The following GUCY1A2 variants were observed in gnomAD, a reference collection of about 807,000 sequenced individuals.
The protein encoded by GUCY1A2 is guanylate cyclase 1 soluble subunit alpha 2.
A neutral mutation model predicts 63.5 loss-of-function variants in GUCY1A2; 27 were observed. The observed-to-expected ratio is 0.43, with a 90% CI of 0.31 to 0.59. GUCY1A2 has a LOEUF of 0.59. GUCY1A2 is among the 20% of genes least tolerant of loss of function. The probability of loss-of-function intolerance (pLI) is 0.11; values close to 1 mark genes in which losing one functional copy is unlikely to be tolerated. For missense variants in GUCY1A2, 768 were observed against 913.3 expected (o/e 0.84, Z 2.05); for synonymous variants, 364 against 343.5 (o/e 1.06, Z -0.66).
rs77525944 is a variant in GUCY1A2, at chr11:106,724,277, C to T, written c.1837-15611G>A. 9.5e-3 allele frequency among the ~76,000 whole-genome samples: 1,447 copies of T among 152,352 alleles called. 24 individuals carry two copies. The highest frequency in any genetic ancestry group is 0.032 in the African/African-American group (1,351 of 41,584). ...GAATTGGCCAACACAAGAGTTTATT[C>T]ATCAGACTCAATTTGTCAGACCCTT... On this transcript the variant is annotated intron_variant, in intron 6 of 7. Coordinates refer to ENST00000526355, the MANE Select transcript of GUCY1A2 (RefSeq NM_000855.3).
intron 6 of GUCY1A2, among the ~76,000 whole-genome samples, chr11:106,751,028 G>C (rs1331772672): frequency 2.0e-5 from 3 of 152,022 alleles, no homozygotes; most frequent in African/African-American, 7.2e-5. Flanking sequence ...TTAATTCTAT[G>C]TGCCACTGCA....
At chr11:106,987,829 T>C (rs531678484) in intron 1 of GUCY1A2, among the ~76,000 whole-genome samples, 1 of 152,132 alleles carries the variant, frequency 6.6e-6, no homozygotes, top group African/African-American at 2.4e-5. Context: ...AAAGTGAGCT[T>C]AAATTGAATC....
chr11:106,923,128 T>C (rs1860471756), intron 4 of GUCY1A2, among the ~76,000 whole-genome samples: 1 of 152,198 alleles, frequency 6.6e-6, no homozygotes, highest in Admixed American at 6.5e-5. Flanking sequence ...TAATGACAAG[T>C]ATATTGGAGA....
At chr11:106,724,448 G>A (rs1028721950) in intron 6 of GUCY1A2, among the ~76,000 whole-genome samples, 2 of 151,940 alleles carry the variant, frequency 1.3e-5, no homozygotes, top group Non-Finnish European at 2.9e-5. Flanking sequence ...CCTTCCCTCC[G>A]GCCCCATCTC....
intron 3 of GUCY1A2, among the ~76,000 whole-genome samples, chr11:106,964,294 C>T (rs1861098730): frequency 6.6e-6 from 1 of 152,182 alleles, no homozygotes; most frequent in Admixed American, 6.5e-5. Flanking sequence ...TCTTTAGTTT[C>T]CTTTCTTCAA....
intron 3 of GUCY1A2, among the ~76,000 whole-genome samples, chr11:106,959,615 G>T (rs992801219): frequency 7.9e-5 from 12 of 152,210 alleles, no homozygotes; most frequent in Admixed American, 4.6e-4. Flanking sequence ...CTCCGCAAGG[G>T]AAGCTGCTTT....
At chr11:106,894,542 AT>A (rs1860019455) in intron 4 of GUCY1A2, among the ~76,000 whole-genome samples, 1 of 152,178 alleles carries the variant, frequency 6.6e-6, no homozygotes, top group South Asian at 2.1e-4. Context: ...CTAAACCACA[AT>A]CTGGGCCATA....
chr11:106,707,820 T>C (rs578006766), intron 7 of GUCY1A2, among the ~76,000 whole-genome samples: 250 of 152,204 alleles, frequency 1.6e-3, no homozygotes, highest in African/African-American at 5.8e-3. Context: ...AAAGATTACC[T>C]TTAAGATAAA....
intron 4 of GUCY1A2, among the ~76,000 whole-genome samples, chr11:106,840,587 T>C (rs1859182514): frequency 6.6e-6 from 1 of 151,962 alleles, no homozygotes; most frequent in African/African-American, 2.4e-5. Flanking sequence ...GATTAAGAAA[T>C]TCCAGCAGTA....
intron 4 of GUCY1A2, among the ~76,000 whole-genome samples, chr11:106,860,988 A>G (rs998868479): frequency 6.6e-6 from 1 of 151,990 alleles, no homozygotes; most frequent in Non-Finnish European, 1.5e-5. Flanking sequence ...AAGGAGGAGG[A>G]GGAGGAGGAA....
chr11:106,891,492 T>G (rs1447962959), intron 4 of GUCY1A2, among the ~76,000 whole-genome samples: 2 of 152,182 alleles, frequency 1.3e-5, no homozygotes, highest in Non-Finnish European at 2.9e-5. Flanking sequence ...GCCTACTATA[T>G]TCTGTTAAAA....
chr11:106,936,716 G>C (rs768717270), intron 4 of GUCY1A2: 1 of 1,455,136 alleles, frequency 6.9e-7, no homozygotes, highest in South Asian at 1.2e-5. Flanking sequence ...GCTTGCTCTT[G>C]ATTTTTTTTT....
chr11:106,945,491 T>G (rs551888854), intron 3 of GUCY1A2, among the ~76,000 whole-genome samples: 2 of 152,132 alleles, frequency 1.3e-5, no homozygotes, highest in Non-Finnish European at 2.9e-5. Flanking sequence ...AGTAGACACA[T>G]TAGTGAGCAA....
At chr11:106,945,163 AAG>A (rs1555052942) in intron 3 of GUCY1A2, among the ~76,000 whole-genome samples, 8 of 151,778 alleles carry the variant, frequency 5.3e-5, no homozygotes, top group Admixed American at 5.3e-4. Flanking sequence ...AAAAAAAAAA[AAG>A]AGAGAGAGAG....
At chr11:106,836,640 A>G (rs1290870054) in intron 4 of GUCY1A2, among the ~76,000 whole-genome samples, 1 of 151,990 alleles carries the variant, frequency 6.6e-6, no homozygotes, top group African/African-American at 2.4e-5. Flanking sequence ...AAAAATACAC[A>G]AAAACCAAGA....
chr11:106,804,412 C>T (rs1307240458), intron 5 of GUCY1A2, among the ~76,000 whole-genome samples: 1 of 152,166 alleles, frequency 6.6e-6, no homozygotes, highest in Non-Finnish European at 1.5e-5. Context: ...ACTGGCATTT[C>T]ATGCTGCAAA....
chr11:106,680,730 C>T lies in GUCY1A2; in HGVS notation c.*6819G>A. 1 of 205,726 alleles carries T rather than the reference C, an allele frequency of 4.9e-6. No individual in the cohort carries two copies. The highest frequency in any genetic ancestry group is 7.4e-5 in the East Asian group (1 of 13,588). The allele number at this position is 205,726 out of a possible 1,614,324, so 12.7% of individuals were successfully genotyped here. ...ATAGGGAAATTTTCCAAACTGTGGG[C>T]AGGAGAATGCTAAAATTAAGTTTTG... is the stretch of plus-strand genomic sequence containing the variant. On this transcript the variant is annotated 3_prime_UTR_variant, in exon 8 of 8. Coordinates refer to ENST00000526355, the MANE Select transcript of GUCY1A2 (RefSeq NM_000855.3).
chr11:106,710,127 G>T lies in GUCY1A2; in HGVS notation c.1837-1461C>A, dbSNP rs1001351508. 2.7e-3 allele frequency among the ~76,000 whole-genome samples: 205 copies of T among 75,124 alleles called. 1 individual carries two copies. The highest frequency in any genetic ancestry group is 4.5e-3 in the Non-Finnish European group (184 of 40,976). The allele number at this position is 75,124 out of a possible 152,430, so 49.3% of individuals were successfully genotyped here. A position where few individuals can be genotyped will look rare whatever the true frequency, so the allele number is the denominator to read the frequency against. ...ATATTATATACATGTATATAATATA[G>T]TTATATATATAATATATAGTTATAT... On this transcript the variant is annotated intron_variant, in intron 6 of 7. Transcript: ENST00000526355.
At chr11:106,905,469 C>A (rs960221503) in intron 4 of GUCY1A2, among the ~76,000 whole-genome samples, 1 of 152,072 alleles carries the variant, frequency 6.6e-6, no homozygotes, top group Non-Finnish European at 1.5e-5. Flanking sequence ...CCTCATTTAA[C>A]CTTAATCACT....
Sources: allele counts gnomAD v4.1 joint callset (sites outside exome capture counted in the v4.1 genomes callset), GRCh38; gene constraint gnomAD v4.1.1; transcripts MANE v1.5; gene names NCBI Gene and HGNC (gene_info 2026-07-23, HGNC 2026-07-21).